The following UGT2B7 variants were observed in gnomAD, a reference collection of about 807,000 sequenced individuals.
UGT2B7 encodes UDP-glucuronosyltransferase 2B7.
UGT2B7 carries 51 observed loss-of-function variants against 51.9 expected under a neutral mutation model. The observed-to-expected ratio is 0.98, with a 90% CI of 0.78 to 1.24. The LOEUF is 1.24. Among genes scored for constraint, UGT2B7 ranks in the 50% most tolerant of loss-of-function variants. The pLI, the probability that UGT2B7 is intolerant of heterozygous loss-of-function variation, is 0.00. For missense variants in UGT2B7, 727 were observed against 628.4 expected (o/e 1.16, Z -1.68); for synonymous variants, 225 against 211.6 (o/e 1.06, Z -0.55).
chr4:69,110,326 G>A (rs986355650), intron 5 of UGT2B7, among the ~76,000 whole-genome samples: 4 of 151,940 alleles, frequency 2.6e-5, no homozygotes, highest in Non-Finnish European at 5.9e-5. Context: ...GGAAGTAAGG[G>A]AGGTTATAAA....
At chr4:69,055,885 A>G (rs970639710) in intron 1 of UGT2B7, among the ~76,000 whole-genome samples, 10 of 152,236 alleles carry the variant, frequency 6.6e-5, no homozygotes, top group African/African-American at 2.4e-4. Context: ...AAGCTCTATA[A>G]TAGTACCACA....
At position 69,088,930 on chromosome 4, in the gene UGT2B7, G is replaced by A. The variant is rs193107243; in HGVS notation, c.-158-542G>A. 2.1e-3 allele frequency among the ~76,000 whole-genome samples: 326 copies of A among 152,124 alleles called. 2 individuals carry two copies. The highest frequency in any genetic ancestry group is 7.7e-3 in the African/African-American group (319 of 41,496). ...AGGTAAAATAAAGTTCTGTCACAGT[G>A]GTGTCTTCTTGGTGTGTGGAAGGGG... On this transcript the variant is annotated intron_variant, in intron 1 of 5. Transcript: ENST00000502942.
chr4:69,099,445 A>C (rs1250374678), intron 2 of UGT2B7, among the ~76,000 whole-genome samples: 6 of 151,966 alleles, frequency 3.9e-5, no homozygotes, highest in Non-Finnish European at 8.8e-5. Context: ...AAGAAATAAA[A>C]ATATATGAAA....
At chr4:69,108,526 A>G (rs574303440) in intron 5 of UGT2B7, among the ~76,000 whole-genome samples, 1 of 152,160 alleles carries the variant, frequency 6.6e-6, no homozygotes, top group East Asian at 1.9e-4. Context: ...CCAGTTAGTG[A>G]AACAATTTTC....
upstream of UGT2B7, among the ~76,000 whole-genome samples, chr4:69,093,527 C>A (rs1719137103): frequency 1.3e-5 from 2 of 152,192 alleles, no homozygotes; most frequent in Non-Finnish European, 2.9e-5. Flanking sequence ...TAACCTTCCA[C>A]TTTGCAAGAG....
At chr4:69,102,753 T>C (rs1205105169) in intron 2 of UGT2B7, 54 bp from the exon 3 acceptor site, 9 of 1,579,878 alleles carry the variant, frequency 5.7e-6, no homozygotes, top group Middle Eastern at 4.5e-4. Flanking sequence ...ATTCTTTTGG[T>C]AGTGCCCGCT....
rs1222590427 is a variant in UGT2B7 at position 69,102,882 on chromosome 4, A to C, written c.946A>C (p.Met316Leu). 6.2e-7 allele frequency: 1 copy of C among 1,613,570 alleles called. No homozygotes were observed. Among genetic ancestry groups the C allele is most frequent in the Non-Finnish European group, 8.5e-7 (1 of 1,179,732 alleles). Residue 316 changes from methionine to leucine, a missense_variant, in exon 3 of 6, where the codon ATG becomes CTG. Coordinates refer to ENST00000305231, the MANE Select transcript of UGT2B7 (RefSeq NM_001074.4). ...VFSLGSMVSNMTEERANVIAS... is the reference protein window; with the variant it reads ...VFSLGSMVSNLTEERANVIAS... ...TTCTCTGGGGTCAATGGTCAGTAAC[A>C]TGACAGAAGAAAGGGCCAACGTAAT...
intron 1 of UGT2B7, among the ~76,000 whole-genome samples, chr4:69,074,228 C>A (rs1012294054): frequency 1.3e-5 from 2 of 151,744 alleles, no homozygotes; most frequent in African/African-American, 4.8e-5. Flanking sequence ...GTGGTCCCAG[C>A]CACTTGGGGG....
chr4:69,063,297 C>A (rs534542543), intron 1 of UGT2B7, among the ~76,000 whole-genome samples: 7 of 117,114 alleles, frequency 6.0e-5, no homozygotes, highest in Non-Finnish European at 8.1e-5. Flanking sequence ...CCAGCCTGGG[C>A]GACAGAGCGA....
chr4:69,099,046 A>G (rs1719340574), intron 2 of UGT2B7, among the ~76,000 whole-genome samples: 1 of 152,004 alleles, frequency 6.6e-6, no homozygotes, highest in Admixed American at 6.6e-5. Context: ...AAATAGACAC[A>G]GTTTCTGTCC....
chr4:69,074,434 A>ATATATATATATATG (rs1359930614), intron 1 of UGT2B7, among the ~76,000 whole-genome samples: 6 of 148,696 alleles, frequency 4.0e-5, no homozygotes, highest in African/African-American at 1.5e-4. Context: ...TTAAATATAT[A>ATATATATATATATG]TATATATATA....
intron 1 of UGT2B7, among the ~76,000 whole-genome samples, chr4:69,060,689 T>G (rs552909208): frequency 8.5e-5 from 13 of 152,368 alleles, no homozygotes; most frequent in African/African-American, 3.1e-4. Flanking sequence ...TTTAAGACAC[T>G]AGCTATCACT....
intron 1 of UGT2B7, among the ~76,000 whole-genome samples, chr4:69,064,094 A>AAGAAAGAGAGAGAGAGAGAGAGAG (rs1560499755): frequency 1.2e-5 from 1 of 84,422 alleles, no homozygotes; most frequent in Non-Finnish European, 2.4e-5. Flanking sequence ...GAAAGAAAGA[A>AAGAAAGAGAGAGAGAGAGAGAGAG]AGAGAAAGAA....
chr4:69,056,820 C>T (rs1560497286), intron 1 of UGT2B7, among the ~76,000 whole-genome samples: 2 of 152,084 alleles, frequency 1.3e-5, no homozygotes, highest in Non-Finnish European at 2.9e-5. Flanking sequence ...AGAGTGAGAA[C>T]TCCCGCTAAT....
At chr4:69,061,970 A>G (rs1718358772) in intron 1 of UGT2B7, among the ~76,000 whole-genome samples, 1 of 152,166 alleles carries the variant, frequency 6.6e-6, no homozygotes, top group Non-Finnish European at 1.5e-5. Context: ...TATTGTTAAG[A>G]GACATTATTC....
chr4:69,082,406 A>AC (rs1718859378), intron 1 of UGT2B7, among the ~76,000 whole-genome samples: 1 of 151,488 alleles, frequency 6.6e-6, no homozygotes, highest in Non-Finnish European at 1.5e-5. Context: ...TAAAAAAAAA[A>AC]CAAAAAAGAT....
intron 1 of UGT2B7, among the ~76,000 whole-genome samples, chr4:69,052,420 C>T (rs1489133428): frequency 6.6e-6 from 1 of 151,100 alleles, no homozygotes; most frequent in Non-Finnish European, 1.5e-5. Flanking sequence ...AATTGAAATC[C>T]CAAACTTACA....
chr4:69,068,473 G>A (rs1276099151), intron 1 of UGT2B7, among the ~76,000 whole-genome samples: 1 of 151,934 alleles, frequency 6.6e-6, no homozygotes, highest in Non-Finnish European at 1.5e-5. Flanking sequence ...GAAATATGTA[G>A]TTTAAAAATT....
intron 1 of UGT2B7, among the ~76,000 whole-genome samples, chr4:69,071,420 G>A (rs1357782208): frequency 6.6e-6 from 1 of 152,104 alleles, no homozygotes; most frequent in Non-Finnish European, 1.5e-5. Flanking sequence ...ATCTATGCTG[G>A]AGAAAACATA....
Sources: allele counts gnomAD v4.1 joint callset (sites outside exome capture counted in the v4.1 genomes callset), GRCh38; gene constraint gnomAD v4.1.1; transcripts MANE v1.5; gene names NCBI Gene and HGNC (gene_info 2026-07-23, HGNC 2026-07-21).